Variants in SDF4 observed in about 807,000 individuals in gnomAD.
The protein encoded by SDF4 is 45 kDa calcium-binding protein.
A neutral mutation model predicts 34.2 loss-of-function variants in SDF4; 22 were observed. The observed-to-expected ratio is 0.64, with a 90% CI of 0.46 to 0.92. The LOEUF (loss-of-function observed/expected upper bound fraction) is 0.92. Ranked by LOEUF, SDF4 falls within the 40% of genes least tolerant of loss-of-function variation. SDF4 has a pLI of 0.00. For synonymous variants in SDF4, 236 were observed against 203.1 expected (o/e 1.16, Z -1.38); for missense variants, 447 against 499.9 (o/e 0.89, Z 1.01).
chr1:1,223,297 T>A lies in SDF4; in HGVS notation c.503A>T (p.Lys168Met). The change falls in exon 4 of 7, where the codon AAG becomes ATG. Residue 168 changes from lysine (K) to methionine (M), a missense_variant. Lys to Met is a moderately conservative substitution (Grantham distance 95). Transcript: ENST00000360001. ...GAGCCTGATGGCGTCGGCAACCTCC[T>A]TCTCGCTATGGCCTTTACTCGCCAA... The part of the protein sequence containing the change: ...KFLASKGHSE[K>M]EVADAIRLNE... The A allele has an allele frequency of 6.2e-7, 1 of 1,614,128 alleles. No homozygotes were observed. The highest frequency in any genetic ancestry group is 1.1e-5 in the South Asian group (1 of 91,088).
At position 1,223,894 on chromosome 1, in the gene SDF4, T is replaced by G; in HGVS notation, c.380A>C (p.His127Pro). The G allele has an allele frequency of 6.2e-7, 1 of 1,609,248 alleles. No individual in the cohort carries two copies. The highest frequency in any genetic ancestry group is 8.5e-7 in the Non-Finnish European group (1 of 1,179,622). The change falls in exon 3 of 7, where the codon CAC becomes CCC. Residue 127 changes from histidine (H) to proline (P), a missense_variant. Physicochemically the swap from His to Pro is moderately conservative, Grantham distance 77. Transcript: ENST00000360001. ...GCTCTCCTCCATGGCCTCCTGGAAGTGCTCGGCCGTCTTCTCCATGATCCA... is the reference window on the plus strand; with the variant it reads ...GCTCTCCTCCATGGCCTCCTGGAAGGGCTCGGCCGTCTTCTCCATGATCCA... ...QRWIMEKTAE[H>P]FQEAMEESKT... is the part of the protein sequence containing the mutation.
rs574045864 is a variant in SDF4, at chr1:1,230,176, T to G, written c.-174-1230A>C. 4.6e-5 allele frequency among the ~76,000 whole-genome samples: 7 copies of G among 152,360 alleles called. No homozygotes were observed. In the South Asian group the frequency reaches 1.4e-3, roughly 32 times the overall value. On this transcript the variant is annotated intron_variant, in intron 1 of 6. Transcript: ENST00000360001. Reference sequence around the variant, plus strand: ...CGGGTGCCGCTGAGGCCCCGCCATGTCACAGCTGTTCCCTCAACACACATG... The same window carrying G: ...CGGGTGCCGCTGAGGCCCCGCCATGGCACAGCTGTTCCCTCAACACACATG...
At chr1:1,223,786 G>GT in intron 3 of SDF4, 46 bp downstream of exon 3, 1 of 585,240 alleles carries the variant, frequency 1.7e-6, no homozygotes, top group Non-Finnish European at 2.9e-6. Flanking sequence ...CCATGGCCCT[G>GT]CCCGCCCCGC....
At chr1:1,228,189 G>A (rs1638372215) in intron 2 of SDF4, among the ~76,000 whole-genome samples, 1 of 152,236 alleles carries the variant, frequency 6.6e-6, no homozygotes, top group Non-Finnish European at 1.5e-5. Context: ...AGTGCCGCGT[G>A]GGCTCCTCCA....
At chr1:1,219,474 G>A (rs1342222416) in intron 4 of SDF4, 12 of 999,614 alleles carry the variant, frequency 1.2e-5, no homozygotes, top group Middle Eastern at 5.0e-4. Flanking sequence ...TGCGCACGGC[G>A]CCGCGGGGCG....
chr1:1,225,675 G>A (rs901856298), intron 2 of SDF4, among the ~76,000 whole-genome samples: 2 of 152,024 alleles, frequency 1.3e-5, no homozygotes, highest in African/African-American at 2.4e-5. Context: ...CGAATGCTCC[G>A]GTCACGCTCC....
Position 1,228,557 on chromosome 1 carries a change from C to A in SDF4, c.216G>T (p.Gln72His). 6.2e-7 allele frequency: 1 copy of A among 1,613,112 alleles called. No individual in the cohort carries two copies. Among genetic ancestry groups the A allele is most frequent in the Non-Finnish European group, 8.5e-7 (1 of 1,180,020 alleles). ...CCAGGTCCTTGCCTAGGAAGACCTC[C>A]TGGTGGAAGCCGCGATTGAGGTGCC... ...MDGHLNRGFH[Q>H]EVFLGKDLGG... The change falls in exon 2 of 7, where the codon CAG becomes CAT. Residue 72 changes from glutamine to histidine, a missense_variant. Gln to His is a conservative substitution (Grantham distance 24, BLOSUM62 0). Transcript: ENST00000360001.
At position 1,219,813 on chromosome 1, in the gene SDF4, C is replaced by T. The variant is rs1036539521; in HGVS notation, c.557-886G>A. ...TGAGGCCCACACTCAGCCCCCTGCA[C>T]GTGAGGCCCGACTCTGCCCTGGCCG... On this transcript the variant is annotated intron_variant, in intron 4 of 6. Coordinates refer to ENST00000360001, the MANE Select transcript of SDF4 (RefSeq NM_016176.6). 2.6e-5 allele frequency: 26 copies of T among 985,758 alleles called. No individual in the cohort carries two copies. In the Admixed American group the frequency reaches 3.7e-4, roughly 14 times the overall value. The allele number at this position is 985,758 out of a possible 1,614,324, so 61.1% of individuals were successfully genotyped here. A position where few individuals can be genotyped will look rare whatever the true frequency, so the allele number is the denominator to read the frequency against.
At chr1:1,220,478 C>T (rs932282015) in intron 4 of SDF4, 100 of 1,194,522 alleles carry the variant, frequency 8.4e-5, no homozygotes, top group Middle Eastern at 3.8e-4. Context: ...TTCCCAGGCC[C>T]CTCCTCCAGG....
intron 4 of SDF4, 146 bp downstream of exon 4, chr1:1,223,098 G>A (rs768900756): frequency 2.0e-5 from 13 of 647,256 alleles, no homozygotes; most frequent in Non-Finnish European, 3.6e-5. Flanking sequence ...CAGCACACTC[G>A]TACACACGGC....
chr1:1,228,675 T>C lies in SDF4; in HGVS notation c.98A>G (p.Asn33Ser). ...LLMDASARPA[N>S]HSSTRERVAN... is the part of the protein sequence containing the mutation. ...TACTCTCTCTCGAGTGGACGAGTGG[T>C]TGGCAGGCCGTGCAGACGCGTCCAT... The change falls in exon 2 of 7, where the codon AAC becomes AGC. Residue 33 changes from asparagine (N) to serine (S), a missense_variant. Coordinates refer to ENST00000360001, the MANE Select transcript of SDF4 (RefSeq NM_016176.6). 6.2e-7 allele frequency: 1 copy of C among 1,613,020 alleles called. No homozygotes were observed.
chr1:1,229,198 C>T (rs1638416384), intron 1 of SDF4, among the ~76,000 whole-genome samples: 2 of 151,976 alleles, frequency 1.3e-5, no homozygotes, highest in African/African-American at 4.8e-5. Flanking sequence ...GTGTTTTTTT[C>T]TTTATTTTTA....
rs768466285 is a variant in SDF4 at position 1,223,838 on chromosome 1, C to T, written c.436G>A (p.Gly146Arg). 12 of 1,596,110 alleles carry T rather than the reference C, an allele frequency of 7.5e-6. No individual in the cohort carries two copies. Among genetic ancestry groups the T allele is most frequent in the South Asian group, 3.3e-5 (3 of 90,566 alleles). ...CCCGGCCCAGCCACAGTACCGTCCCCGTCAGGGTCCACGGCGCGGAAGTGT... is the reference window on the plus strand; with the variant it reads ...CCCGGCCCAGCCACAGTACCGTCCCTGTCAGGGTCCACGGCGCGGAAGTGT... ...KTHFRAVDPD[G>R]DGHVSWDEYK... Residue 146 changes from glycine (G) to arginine (R), a missense_variant, in exon 3 of 7, where the codon GGG (glycine) becomes AGG (arginine). Gly to Arg is a moderately radical substitution (Grantham distance 125). Coordinates refer to ENST00000360001, the MANE Select transcript of SDF4 (RefSeq NM_016176.6).
Position 1,220,312 on chromosome 1 carries a change from GGGGGAA to G in SDF4, c.557-1391_557-1386del, listed in dbSNP as rs1226019855. 2.7e-6 allele frequency: 3 copies of G among 1,095,038 alleles called. No individual in the cohort carries two copies. The East Asian group carries it at 2.2e-4, about 81-fold the overall frequency. The allele number at this position is 1,095,038 out of a possible 1,614,324, so 67.8% of individuals were successfully genotyped here. ...CCCAGAGAGAGGCAGCGATGGAGGC[GGGGGAA>G]GGGAGTGATGCCCGCCTGCCACGCC... On this transcript the variant is annotated intron_variant, in intron 4 of 6. Coordinates refer to ENST00000360001, the MANE Select transcript of SDF4 (RefSeq NM_016176.6).
rs573305954 is a variant in SDF4 at position 1,223,162 on chromosome 1, C to T, written c.556+82G>A. The T allele has an allele frequency of 4.2e-5, 40 of 960,934 alleles. No homozygotes were observed. In the Middle Eastern group the frequency reaches 7.3e-4, roughly 18 times the overall value. The allele number at this position is 960,934 out of a possible 1,614,324, so 59.5% of individuals were successfully genotyped here. On this transcript the variant is annotated intron_variant, in intron 4 of 6. Coordinates refer to ENST00000360001, the MANE Select transcript of SDF4 (RefSeq NM_016176.6). ...ACGGCACACTCATACACGACACACACGGCACACTCATGTACACACAACACA... is the reference window on the plus strand; with the variant it reads ...ACGGCACACTCATACACGACACACATGGCACACTCATGTACACACAACACA...
At chr1:1,231,820 C>G (rs1321934575) in intron 1 of SDF4, 72 bp downstream of exon 1, 2 of 152,096 alleles carry the variant, frequency 1.3e-5, no homozygotes, top group African/African-American at 4.8e-5. Flanking sequence ...GCCTCCAGAC[C>G]CGCCCTCGCC....
intron 1 of SDF4, 30 bp from the exon 2 acceptor site, chr1:1,228,976 A>G (rs1198642284): frequency 3.1e-5 from 18 of 589,360 alleles, no homozygotes; most frequent in Admixed American, 3.0e-4. Flanking sequence ...CATCATTAGC[A>G]AGACTCAGCA....
chr1:1,219,859 G>A, intron 4 of SDF4: 1 of 985,840 alleles, frequency 1.0e-6, no homozygotes, highest in Non-Finnish European at 1.2e-6. Context: ...CACAAGCCCG[G>A]CAGCCTCTGC....
At chr1:1,223,785 T>TTCCCC in intron 3 of SDF4, 47 bp downstream of exon 3, 2 of 552,546 alleles carry the variant, frequency 3.6e-6, no homozygotes, top group South Asian at 2.1e-5. Flanking sequence ...CCCATGGCCC[T>TTCCCC]GCCCGCCCCG....
Sources: allele counts gnomAD v4.1 joint callset (sites outside exome capture counted in the v4.1 genomes callset), GRCh38; gene constraint gnomAD v4.1.1; transcripts MANE v1.5; gene names NCBI Gene and HGNC (gene_info 2026-07-23, HGNC 2026-07-21).